The following EFEMP1 variants were observed in gnomAD, a reference collection of about 807,000 sequenced individuals.
The protein encoded by EFEMP1 is EGF-like fibulin extracellular matrix protein 1.
Under a neutral mutation model 65.7 loss-of-function variants are expected in EFEMP1, and 18 were observed. The ratio of observed to expected loss-of-function variants is 0.27; its 90% CI spans 0.19 to 0.41. The LOEUF is 0.41. EFEMP1 is among the 10% of genes least tolerant of loss of function. The pLI is 1.00. For missense variants in EFEMP1, 469 were observed against 624.8 expected (o/e 0.75, Z 2.66); for synonymous variants, 237 against 219.7 (o/e 1.08, Z -0.70).
intron 5 of EFEMP1, among the ~76,000 whole-genome samples, chr2:55,902,177 T>C (rs1670062804): frequency 6.6e-6 from 1 of 152,218 alleles, no homozygotes; most frequent in Admixed American, 6.5e-5. Context: ...AGTAATTTGT[T>C]ATGCAGTAAC....
chr2:55,922,067 T>A lies in EFEMP1; in HGVS notation c.81+293A>T, dbSNP rs1670924373. 4.1e-5 allele frequency: 16 copies of A among 387,114 alleles called. 1 individual carries two copies. Among genetic ancestry groups the A allele is most frequent in the South Asian group, 3.4e-4 (16 of 46,470 alleles). 24.0% of individuals were successfully genotyped at this position (387,114 alleles called of 1,614,324 possible). A position where few individuals can be genotyped will look rare whatever the true frequency, so the allele number is the denominator to read the frequency against. ...CTTACACCCATTAATTTGTTGAATG[T>A]TTTGGAAACATGTAACTTTCTTTGG... On this transcript the variant is annotated intron_variant, in intron 3 of 11. Coordinates refer to ENST00000355426, the MANE Select transcript of EFEMP1 (RefSeq NM_001039348.3). This position sits in a 1 kb window ranked among gnomAD's most constrained non-coding sequence, Gnocchi z 5.5.
At chr2:55,913,671 A>T (rs1304739461) in intron 5 of EFEMP1, among the ~76,000 whole-genome samples, 1 of 151,968 alleles carries the variant, frequency 6.6e-6, no homozygotes, top group Non-Finnish European at 1.5e-5. Flanking sequence ...ATCCTTTCTC[A>T]ACTTCATCTA....
chr2:55,923,690 C>T lies in EFEMP1; in HGVS notation c.-49+21G>A, dbSNP rs1438934012. 5 of 985,530 alleles carry T rather than the reference C, an allele frequency of 5.1e-6. No individual in the cohort carries two copies. The highest frequency in any genetic ancestry group is 6.0e-6 in the Non-Finnish European group (5 of 830,214). 61.0% of individuals were successfully genotyped at this position (985,530 alleles called of 1,614,324 possible). A position where few individuals can be genotyped will look rare whatever the true frequency, so the allele number is the denominator to read the frequency against. On this transcript the variant is annotated intron_variant, in intron 1 of 11. Transcript: ENST00000355426. The surrounding 1 kb of genome is among the most constrained non-coding windows in gnomAD (Gnocchi z 5.3). ...TGAGTACTGGGCTCGCTCGGGGCGA[C>T]CCCCCGTTGGGGGCTCCTACCTGTG...
chr2:55,883,002 C>T lies in EFEMP1; in HGVS notation c.518-1268G>A, dbSNP rs978045525. ...TTTTCTGTATTTTCAAGGAGGACTG[C>T]GCATTTACACTATGCAGTATAATAA... On this transcript the variant is annotated intron_variant, in intron 5 of 11. Coordinates refer to ENST00000355426, the MANE Select transcript of EFEMP1 (RefSeq NM_001039348.3). This position sits in a 1 kb window ranked among gnomAD's most constrained non-coding sequence, Gnocchi z 4.5. Among the ~76,000 whole-genome samples the T allele has an allele frequency of 6.6e-6, 1 of 152,078 alleles. No individual in the cohort carries two copies. The highest frequency in any genetic ancestry group is 2.4e-5 in the African/African-American group (1 of 41,410).
chr2:55,888,408 G>A (rs1256319316), intron 5 of EFEMP1, among the ~76,000 whole-genome samples: 1 of 140,376 alleles, frequency 7.1e-6, no homozygotes, highest in Non-Finnish European at 1.5e-5. Context: ...TGCAATCTTG[G>A]CTCACTGAAA....
In EFEMP1 at chr2:55,921,728, A is replaced by G. The variant is rs1670911562; in HGVS notation, c.81+632T>C. Among the ~76,000 whole-genome samples, 1 of 152,222 alleles carries G rather than the reference A, an allele frequency of 6.6e-6. No homozygotes were observed. Among genetic ancestry groups the G allele is most frequent in the Non-Finnish European group, 1.5e-5 (1 of 68,048 alleles). On this transcript the variant is annotated intron_variant, in intron 3 of 11. Coordinates refer to ENST00000355426, the MANE Select transcript of EFEMP1 (RefSeq NM_001039348.3). The surrounding 1 kb of genome is among the most constrained non-coding windows in gnomAD (Gnocchi z 4.1). ...CTAACTAATCAAATATTACTTGGAA[A>G]TATCAGAGACGCTAATTAGAAAATG...
At chr2:55,868,210 G>A (rs533808965) in intron 11 of EFEMP1, among the ~76,000 whole-genome samples, 6 of 152,194 alleles carry the variant, frequency 3.9e-5, no homozygotes, top group African/African-American at 1.4e-4. Flanking sequence ...AATAGTTGTA[G>A]GTAATAATAA....
In EFEMP1 at chr2:55,870,737, C is replaced by T. The variant is rs1432921887; in HGVS notation, c.1303G>A (p.Gly435Arg). ...TFRIKSGNENGEFYLRQTSPV... is the reference protein window; with the variant it reads ...TFRIKSGNENREFYLRQTSPV... The stretch of plus-strand genomic sequence containing the variant: ...ATACTTACTCGTAGGTAGAACTCTC[C>T]ATTTTCATTTCCAGATTTAATCCGA... Residue 435 changes from glycine to arginine, a missense_variant, in exon 11 of 12, where the codon GGA becomes AGA. Transcript: ENST00000355426. The surrounding 1 kb of genome is among the most constrained non-coding windows in gnomAD (Gnocchi z 5.8). 3.1e-6 allele frequency: 5 copies of T among 1,613,674 alleles called. No homozygotes were observed. The South Asian group carries it at 3.3e-5, about 11-fold the overall frequency.
rs1205394595 is a variant in EFEMP1, at chr2:55,922,688, T to TAA, written c.-8+210_-8+211insTT. Reference sequence around the variant, plus strand: ...TGCATTTCACGTTACTCCATCCTGCTACGCTGTTTACATACAAAAGACATT... The same window carrying TAA: ...TGCATTTCACGTTACTCCATCCTGCTAAACGCTGTTTACATACAAAAGACATT... On this transcript the variant is annotated intron_variant, in intron 2 of 11. Transcript: ENST00000355426. The surrounding 1 kb of genome is among the most constrained non-coding windows in gnomAD (Gnocchi z 5.5). 2.1e-6 allele frequency: 1 copy of TAA among 485,610 alleles called. No homozygotes were observed. The highest frequency in any genetic ancestry group is 3.7e-6 in the Non-Finnish European group (1 of 272,662). The allele number at this position is 485,610 out of a possible 1,614,324, so 30.1% of individuals were successfully genotyped here. A position where few individuals can be genotyped will look rare whatever the true frequency, so the allele number is the denominator to read the frequency against.
At chr2:55,908,699 A>G (rs75777697) in intron 5 of EFEMP1, among the ~76,000 whole-genome samples, 6,120 of 152,216 alleles carry the variant, frequency 0.04, 164 homozygotes, top group Middle Eastern at 0.085. Context: ...ATAAATATGT[A>G]TATTTTTCAA....
chr2:55,917,608 C>T lies in EFEMP1; in HGVS notation c.517+57G>A, dbSNP rs1670745299. 2 of 1,610,854 alleles carry T rather than the reference C, an allele frequency of 1.2e-6. No individual in the cohort carries two copies. The highest frequency in any genetic ancestry group is 1.3e-5 in the African/African-American group (1 of 74,996). On this transcript the variant is annotated intron_variant, in intron 5 of 11. Coordinates refer to ENST00000355426, the MANE Select transcript of EFEMP1 (RefSeq NM_001039348.3). The surrounding 1 kb of genome is among the most constrained non-coding windows in gnomAD (Gnocchi z 6.3). ...CCTTAATAAATTATCATCATCCTCA[C>T]CACGAGGTGCACTTGGGCAAAAGCT...
intron 6 of EFEMP1, among the ~76,000 whole-genome samples, 181 bp downstream of exon 6, chr2:55,881,431 T>A (rs1249119974): frequency 6.6e-6 from 1 of 152,224 alleles, no homozygotes; most frequent in Non-Finnish European, 1.5e-5. Context: ...TTATCCAGAA[T>A]AGCTCAACCT....
In EFEMP1 at chr2:55,917,848, C is replaced by T. The variant is rs1670763080; in HGVS notation, c.334G>A (p.Val112Met). The change falls in exon 5 of 12, where the codon GTG becomes ATG. Residue 112 changes from valine to methionine, a missense_variant. By Grantham distance (21) the Val-to-Met change is conservative. This residue lies in a region of EFEMP1 where 399 missense variants were observed against 528.2 expected (regional missense o/e 0.76). Transcript: ENST00000355426. The surrounding 1 kb of genome is among the most constrained non-coding windows in gnomAD (Gnocchi z 6.3). ...GCCACAAAACCACCCCCGGGCAACA[C>T]TCCACTGGTTGCCATGCTGCTGGCA... ...VAASSMATSG[V>M]LPGGGFVASA... 2 of 1,614,150 alleles carry T rather than the reference C, an allele frequency of 1.2e-6. No homozygotes were observed. Among genetic ancestry groups the T allele is most frequent in the Non-Finnish European group, 1.7e-6 (2 of 1,180,048 alleles).
chr2:55,914,169 C>T (rs1024261324), intron 5 of EFEMP1, among the ~76,000 whole-genome samples: 1 of 152,126 alleles, frequency 6.6e-6, no homozygotes, highest in Admixed American at 6.5e-5. Context: ...CAATTAATTT[C>T]GAAAACTCTA....
intron 3 of EFEMP1, among the ~76,000 whole-genome samples, chr2:55,920,088 T>C (rs574473724): frequency 6.6e-6 from 1 of 152,322 alleles, no homozygotes; most frequent in African/African-American, 2.4e-5. Context: ...CACTACCCAG[T>C]TCCAGCTGAT....
At chr2:55,910,724 G>A (rs1235583182) in intron 5 of EFEMP1, among the ~76,000 whole-genome samples, 1 of 152,128 alleles carries the variant, frequency 6.6e-6, no homozygotes, top group African/African-American at 2.4e-5. Flanking sequence ...CGTCTTTGAT[G>A]GGAAGTAAAT....
chr2:55,891,688 C>T (rs187035760), intron 5 of EFEMP1, among the ~76,000 whole-genome samples: 2 of 152,180 alleles, frequency 1.3e-5, no homozygotes, highest in East Asian at 3.9e-4. Context: ...TATTCCTTCT[C>T]TCTTCCTTGA....
chr2:55,869,870 A>C (rs1226282120), intron 11 of EFEMP1, among the ~76,000 whole-genome samples: 1 of 152,118 alleles, frequency 6.6e-6, no homozygotes, highest in Non-Finnish European at 1.5e-5. Context: ...ATTTTAACCT[A>C]AAATGAACTT....
chr2:55,906,965 G>A (rs1260884955), intron 5 of EFEMP1, among the ~76,000 whole-genome samples: 1 of 152,184 alleles, frequency 6.6e-6, no homozygotes, highest in Non-Finnish European at 1.5e-5. Context: ...AAGCCTCAGA[G>A]GTTATACCTC....
Sources: allele counts gnomAD v4.1 joint callset (sites outside exome capture counted in the v4.1 genomes callset), GRCh38; gene constraint gnomAD v4.1.1; regional missense constraint gnomAD v4.1.1; non-coding constraint Gnocchi (gnomAD v3.1); transcripts MANE v1.5; gene names NCBI Gene and HGNC (gene_info 2026-07-23, HGNC 2026-07-21).